The following AGAP6 variants were observed in gnomAD, a reference collection of about 807,000 sequenced individuals.
AGAP6 encodes the protein arf-GAP with GTPase, ANK repeat and PH domain-containing protein 6.
AGAP6 carries 29 observed loss-of-function variants against 63.9 expected under a neutral mutation model. The observed-to-expected ratio is 0.45, with a 90% CI of 0.34 to 0.62. AGAP6 has a LOEUF of 0.62. Among genes scored for constraint, AGAP6 ranks in the 20% least tolerant of loss-of-function variants. The pLI is 0.01. For synonymous variants in AGAP6, 199 were observed against 332.9 expected, an observed-to-expected ratio of 0.60 and a Z score of 4.38; for missense variants, 493 against 884.9, an observed-to-expected ratio of 0.56 and a Z score of 5.62.
intron 2 of AGAP6, among the ~76,000 whole-genome samples, chr10:49,991,396 T>TG (rs1239468050): frequency 6.7e-6 from 1 of 150,116 alleles, no homozygotes; most frequent in Non-Finnish European, 1.5e-5. Context: ...TTTTTTTTTT[T>TG]TTTTTTTTTA....
At chr10:50,002,130 C>G in intron 5 of AGAP6, 34 bp downstream of exon 5, 3 of 1,581,482 alleles carry the variant, frequency 1.9e-6, no homozygotes, top group Non-Finnish European at 2.6e-6. Flanking sequence ...GGACAGATTC[C>G]TTTATTCTAA....
chr10:49,989,020 A>C lies in AGAP6; in HGVS notation c.223+82A>C. ...CATGGTTCCCTTTGAGGCATCCCAC[A>C]CTTCGAGCTCCTTTCTGCTTGTAGC... On this transcript the variant is annotated intron_variant, in intron 1 of 7. Coordinates refer to ENST00000412531, the MANE Select transcript of AGAP6 (RefSeq NM_001077665.3). The C allele has an allele frequency of 3.8e-6, 6 of 1,597,582 alleles. No homozygotes were observed. The South Asian group carries it at 6.6e-5, about 18-fold the overall frequency.
chr10:50,005,686 C>T (rs1173448812), intron 6 of AGAP6, among the ~76,000 whole-genome samples: 1 of 151,306 alleles, frequency 6.6e-6, no homozygotes, highest in Non-Finnish European at 1.5e-5. Flanking sequence ...TTTGGGAGGC[C>T]GAGGTGGGTG....
At chr10:49,989,189 AG>A (rs1841163164) in intron 1 of AGAP6, 118 bp from the exon 2 acceptor site, 1 of 1,494,310 alleles carries the variant, frequency 6.7e-7, no homozygotes, top group African/African-American at 1.4e-5. Flanking sequence ...TCATTCTCCC[AG>A]GCTGGCATGG....
At chr10:49,989,120 G>A (rs1554860245) in intron 1 of AGAP6, among the ~76,000 whole-genome samples, 182 bp downstream of exon 1, 3 of 149,794 alleles carry the variant, frequency 2.0e-5, no homozygotes, top group African/African-American at 4.9e-5. Flanking sequence ...TTTCCCCACC[G>A]AGTCCAGTCA....
chr10:49,999,785 A>G lies in AGAP6; in HGVS notation c.397-2211A>G, dbSNP rs1386376113. On this transcript the variant is annotated intron_variant, in intron 4 of 7. Coordinates refer to ENST00000412531, the MANE Select transcript of AGAP6 (RefSeq NM_001077665.3). The stretch of plus-strand genomic sequence containing the variant: ...AGCAAAGTTTCAGGAGACAAAATTA[A>G]TGTACACAAATCAGTAGCTCTGTTA... 7.3e-5 allele frequency among the ~76,000 whole-genome samples: 10 copies of G among 136,460 alleles called. 2 individuals are homozygous for G. The highest frequency in any genetic ancestry group is 2.6e-4 in the African/African-American group (9 of 35,266). 89.5% of individuals were successfully genotyped at this position (136,460 alleles called of 152,430 possible).
At chr10:49,991,985 A>T (rs3998261) in intron 3 of AGAP6, among the ~76,000 whole-genome samples, 8 of 152,206 alleles carry the variant, frequency 5.3e-5, no homozygotes, top group South Asian at 4.1e-4. Flanking sequence ...TTGTCATGTG[A>T]TGGAGGAGTC....
chr10:50,009,130 A>T lies in AGAP6; in HGVS notation c.1005A>T (p.Thr335=). ...ATAAAAAAGAGATTGACCTTCAGAC[A>T]TCTACCATCAAAGTCCCAGGAAAGT... ...NIHKKEIDLQ[T]STIKVPGKWP... is the part of the protein sequence containing the mutation. Residue 335 remains threonine (T), a synonymous_variant, in exon 8 of 8, where the codon ACA becomes ACT. Coordinates refer to ENST00000412531, the MANE Select transcript of AGAP6 (RefSeq NM_001077665.3). The T allele has an allele frequency of 6.2e-7, 1 of 1,614,062 alleles. No homozygotes were observed. Among genetic ancestry groups the T allele is most frequent in the Non-Finnish European group, 8.5e-7 (1 of 1,180,002 alleles).
intron 5 of AGAP6, among the ~76,000 whole-genome samples, chr10:50,003,898 A>G (rs1177842461): frequency 6.6e-6 from 1 of 152,258 alleles, no homozygotes; most frequent in Non-Finnish European, 1.5e-5. Flanking sequence ...AGAGATGAAA[A>G]CTACTTGAAG....
intron 5 of AGAP6, among the ~76,000 whole-genome samples, chr10:50,003,001 TA>T (rs1461022317): frequency 6.6e-5 from 10 of 152,118 alleles, no homozygotes; most frequent in African/African-American, 2.4e-4. Flanking sequence ...CTAAGTCTCT[TA>T]AATCTTTGAG....
At chr10:50,002,602 ACAC>A (rs1841754833) in intron 5 of AGAP6, among the ~76,000 whole-genome samples, 1 of 86,840 alleles carries the variant, frequency 1.2e-5, no homozygotes, top group African/African-American at 4.4e-5. Context: ...ACAACAACCA[ACAC>A]CACCACCAGC....
At chr10:50,005,509 G>C (rs1554863724) in intron 6 of AGAP6, among the ~76,000 whole-genome samples, 1 of 152,200 alleles carries the variant, frequency 6.6e-6, no homozygotes, top group Non-Finnish European at 1.5e-5. Flanking sequence ...TATTCTGGAG[G>C]CTGAGGCAGG....
rs1842027100 is a variant in AGAP6, at chr10:50,009,363, T to C, written c.1238T>C (p.Ile413Thr). 6.2e-7 allele frequency: 1 copy of C among 1,614,034 alleles called. No individual in the cohort carries two copies. Among genetic ancestry groups the C allele is most frequent in the Non-Finnish European group, 8.5e-7 (1 of 1,180,034 alleles). ...AAGAAAAGCACCAACAACTTTATGA[T>C]TGTGTCTGCCACTGGCCAAACGTGG... ...LKKKSTNNFM[I>T]VSATGQTWHF... The change falls in exon 8 of 8, where the codon ATT (isoleucine) becomes ACT (threonine). Residue 413 changes from isoleucine (I) to threonine (T), a missense_variant. Physicochemically the swap from Ile to Thr is moderately conservative, Grantham distance 89. This residue lies in a region of AGAP6 where 342 missense variants were observed against 533.4 expected (regional missense o/e 0.64). Coordinates refer to ENST00000412531, the MANE Select transcript of AGAP6 (RefSeq NM_001077665.3).
rs1554860965 is a variant in AGAP6 at position 49,991,673 on chromosome 10, T to C, written c.293-3T>C. ...TTTTTCTTTTCTTCCTCTGTGCATA[T>C]AGCTTTGGAGTTTAACCCTTCTGCC... On this transcript the variant is annotated splice_polypyrimidine_tract_variant and splice_region_variant and intron_variant, in intron 2 of 7. Coordinates refer to ENST00000412531, the MANE Select transcript of AGAP6 (RefSeq NM_001077665.3). The C allele has an allele frequency of 6.3e-7, 1 of 1,598,706 alleles. No homozygotes were observed. Among genetic ancestry groups the C allele is most frequent in the Admixed American group, 1.7e-5 (1 of 59,978 alleles).
At position 49,989,643 on chromosome 10, in the gene AGAP6, G is replaced by T. The variant is rs556640470; in HGVS notation, c.292+267G>T. On this transcript the variant is annotated intron_variant, in intron 2 of 7. Transcript: ENST00000412531. ...TTTCTTATTTAAAATCAGAATGGAG[G>T]TTGCCACGGGAGAGGCTATATGGTA... 1.8e-4 allele frequency among the ~76,000 whole-genome samples: 28 copies of T among 152,126 alleles called. No individual in the cohort carries two copies. The East Asian group carries it at 4.4e-3, about 24-fold the overall frequency.
At position 49,988,450 on chromosome 10, in the gene AGAP6, T is replaced by G. The variant is rs2338027; in HGVS notation, c.-266T>G. Reference sequence around the variant, plus strand: ...TGTTGTGTCTCTCAGCGCTTGTTGGTTTCACAACCTATTAAATAAGCCGGC... The same window carrying G: ...TGTTGTGTCTCTCAGCGCTTGTTGGGTTCACAACCTATTAAATAAGCCGGC... On this transcript the variant is annotated 5_prime_UTR_variant, in exon 1 of 8. Transcript: ENST00000412531. 0.12 allele frequency: 151,542 copies of G among 1,215,076 alleles called. 29,332 individuals carry two copies. Among genetic ancestry groups the G allele is most frequent in the African/African-American group, 0.27 (16,928 of 63,426 alleles). 75.3% of individuals were successfully genotyped at this position (1,215,076 alleles called of 1,614,324 possible). A position where few individuals can be genotyped will look rare whatever the true frequency, so the allele number is the denominator to read the frequency against.
At chr10:49,994,959 C>CT (rs1841429249) in intron 4 of AGAP6, among the ~76,000 whole-genome samples, 1 of 108,114 alleles carries the variant, frequency 9.2e-6, no homozygotes, top group African/African-American at 3.5e-5. Context: ...GAAACTCTGT[C>CT]TCAAAAAAAA....
intron 2 of AGAP6, 137 bp downstream of exon 2, chr10:49,989,513 A>G: frequency 4.9e-6 from 7 of 1,421,724 alleles, no homozygotes; most frequent in Non-Finnish European, 6.6e-6. Context: ...TTTTCTTTGT[A>G]CCTATCCAGA....
chr10:50,001,942 C>T, intron 4 of AGAP6, 54 bp from the exon 5 acceptor site: 2 of 1,601,624 alleles, frequency 1.2e-6, no homozygotes, highest in South Asian at 2.2e-5. Context: ...GACATTTTAA[C>T]TGAGAAAATA....
Sources: gnomAD v4.1 joint callset for allele counts (sites outside exome capture counted in the v4.1 genomes callset) on GRCh38, gnomAD v4.1.1 for gene constraint, gnomAD v4.1.1 regional missense constraint, MANE v1.5 for transcripts, NCBI Gene and HGNC (gene_info 2026-07-23, HGNC 2026-07-21) for gene names.